MARK4: variants seen among roughly 807,000 people sequenced by gnomAD.
MARK4 encodes the protein MAP/microtubule affinity-regulating kinase 4.
In MARK4, 19 loss-of-function variants were observed where a neutral mutation model predicts 81.5. The observed-to-expected ratio is 0.23, with a 90% confidence interval of 0.16 to 0.34. The LOEUF (loss-of-function observed/expected upper bound fraction) is 0.34. Ranked by LOEUF, MARK4 falls within the 10% of genes least tolerant of loss-of-function variation. The probability of loss-of-function intolerance (pLI) is 1.00; values close to 1 mark genes in which losing one functional copy is unlikely to be tolerated. For missense variants in MARK4, 772 were observed against 1,058.8 expected (o/e 0.73, Z 3.76); for synonymous variants, 436 against 439.0 (o/e 0.99, Z 0.08).
At chr19:45,296,344 G>A (rs944456745) in intron 14 of MARK4, among the ~76,000 whole-genome samples, 10 of 152,242 alleles carry the variant, frequency 6.6e-5, no homozygotes, top group Non-Finnish European at 1.0e-4. Flanking sequence ...CGTTTAGTCC[G>A]GAGGGTCCTC....
chr19:45,263,130 C>T lies in MARK4; in HGVS notation c.270C>T (p.Ile90=), dbSNP rs767329288. The change falls in exon 3 of 17, where the codon ATC becomes ATT. Residue 90 remains isoleucine (I), a synonymous_variant. Transcript: ENST00000262891. Reference sequence around the variant, plus strand: ...CCCTCTAGGTTGCCATCAAGATTATCGACAAAACCCAGCTGAATCCCAGCA... The same window carrying T: ...CCCTCTAGGTTGCCATCAAGATTATTGACAAAACCCAGCTGAATCCCAGCA... ...LTGREVAIKI[I]DKTQLNPSSL... is the part of the protein sequence containing the mutation. The T allele has an allele frequency of 1.7e-5, 27 of 1,607,114 alleles. No homozygotes were observed. The highest frequency in any genetic ancestry group is 2.2e-5 in the South Asian group (2 of 89,940).
rs781684641 is a variant in MARK4 at position 45,259,093 on chromosome 19, G to A, written c.156G>A (p.Glu52=). The change falls in exon 2 of 17, where the codon GAG becomes GAA. Residue 52 remains glutamate (E), a synonymous_variant. Coordinates refer to ENST00000262891, the MANE Select transcript of MARK4 (RefSeq NM_001199867.2). ...ACTCCATCGCCTCCTGTCCCGAGGA[G>A]CAGCCCCACGTGGGCAACTACCGCC... ...CRNSIASCPE[E]QPHVGNYRLL... is the part of the protein sequence containing the mutation. 4.3e-6 allele frequency: 7 copies of A among 1,614,018 alleles called. No individual in the cohort carries two copies. The Admixed American group carries it at 6.7e-5, about 15-fold the overall frequency.
chr19:45,300,672 G>A (rs1970957245), intron 16 of MARK4, among the ~76,000 whole-genome samples: 1 of 152,172 alleles, frequency 6.6e-6, no homozygotes, highest in South Asian at 2.1e-4. Context: ...CCAAGCCCTG[G>A]TTTTGTCTGA....
intron 1 of MARK4, among the ~76,000 whole-genome samples, chr19:45,252,125 C>T (rs1970251834): frequency 1.3e-5 from 2 of 152,008 alleles, no homozygotes; most frequent in Admixed American, 1.3e-4. Context: ...CCCAGGAGCC[C>T]CCCTCCTCTT....
intron 2 of MARK4, among the ~76,000 whole-genome samples, chr19:45,260,090 AAAAT>A (rs1486521270): frequency 6.6e-6 from 1 of 151,798 alleles, no homozygotes; most frequent in Non-Finnish European, 1.5e-5. Context: ...CTGTCTCAAA[AAAAT>A]AAAAAAATTA....
At chr19:45,274,314 C>T (rs1970571503) in intron 8 of MARK4, among the ~76,000 whole-genome samples, 1 of 151,494 alleles carries the variant, frequency 6.6e-6, no homozygotes, top group Admixed American at 6.6e-5. Context: ...TGGCTGAGAT[C>T]AGGGATGCAA....
rs117477515 is a variant in MARK4, at chr19:45,296,652, C to T, written c.1599-1024C>T. ...CTCTTAGGGGTTTGGTTACCAAGAA[C>T]GAAACAGGGAGGATGGATTCTAAGG... On this transcript the variant is annotated intron_variant, in intron 14 of 16. Coordinates refer to ENST00000262891, the MANE Select transcript of MARK4 (RefSeq NM_001199867.2). Among the ~76,000 whole-genome samples the T allele has an allele frequency of 9.1e-3, 1,393 of 152,288 alleles. 11 individuals carry two copies. Among genetic ancestry groups the T allele is most frequent in the Non-Finnish European group, 0.015 (1,011 of 68,028 alleles).
At chr19:45,253,540 C>G (rs1312923487) in intron 1 of MARK4, among the ~76,000 whole-genome samples, 1 of 152,194 alleles carries the variant, frequency 6.6e-6, no homozygotes, top group African/African-American at 2.4e-5. Flanking sequence ...GGAAGCACTC[C>G]ACAAATGCCA....
At position 45,302,601 on chromosome 19, in the gene MARK4, G is replaced by A; in HGVS notation, c.2150G>A (p.Cys717Tyr). Reference protein sequence around the residue: ...EPLSHFEVEVCQLPRPGLRGV... With the variant: ...EPLSHFEVEVYQLPRPGLRGV... ...CTGTCCCACTTCGAAGTGGAGGTCTGCCAGCTGCCCCGGCCAGGCTTGCGG... is the reference window on the plus strand; with the variant it reads ...CTGTCCCACTTCGAAGTGGAGGTCTACCAGCTGCCCCGGCCAGGCTTGCGG... The change falls in exon 17 of 17, where the codon TGC (cysteine) becomes TAC (tyrosine). Residue 717 changes from cysteine (C) to tyrosine (Y), a missense_variant. Transcript: ENST00000262891. The surrounding 1 kb of genome is among the most constrained non-coding windows in gnomAD (Gnocchi z 4.9). 6.4e-7 allele frequency: 1 copy of A among 1,566,148 alleles called. No individual in the cohort carries two copies. Among genetic ancestry groups the A allele is most frequent in the Non-Finnish European group, 8.6e-7 (1 of 1,162,940 alleles).
rs746057661 is a variant in MARK4, at chr19:45,297,649, C to T, written c.1599-27C>T. 6.7e-6 allele frequency: 10 copies of T among 1,485,916 alleles called. No individual in the cohort carries two copies. The East Asian group carries it at 2.3e-4, about 34-fold the overall frequency. 92.0% of individuals were successfully genotyped at this position (1,485,916 alleles called of 1,614,324 possible). A position where few individuals can be genotyped will look rare whatever the true frequency, so the allele number is the denominator to read the frequency against. On this transcript the variant is annotated intron_variant, in intron 14 of 16. Coordinates refer to ENST00000262891, the MANE Select transcript of MARK4 (RefSeq NM_001199867.2). ...GGCCCTGGCCTGCCTCAGTCCCCCA[C>T]CCTGACTTGTCTGTCTCTGCCCACA...
intron 12 of MARK4, 36 bp from the exon 13 acceptor site, chr19:45,287,411 G>C (rs1438506051): frequency 7.4e-7 from 1 of 1,352,598 alleles, no homozygotes; most frequent in South Asian, 1.8e-5. Flanking sequence ...GGGTTTCCGT[G>C]GTGATGCCAG....
Position 45,303,868 on chromosome 19 carries a change from G to A in MARK4, c.*1158G>A, listed in dbSNP as rs527957737. On this transcript the variant is annotated 3_prime_UTR_variant, in exon 17 of 17. Transcript: ENST00000262891. Reference sequence around the variant, plus strand: ...TTAATGCTGGAATGGGGTGTTGAAGGATGAGTAGGAGTTAGTTAGGCATTG... The same window carrying A: ...TTAATGCTGGAATGGGGTGTTGAAGAATGAGTAGGAGTTAGTTAGGCATTG... The A allele has an allele frequency of 1.2e-4, 18 of 152,356 alleles. No individual in the cohort carries two copies. The South Asian group carries it at 3.7e-3, about 32-fold the overall frequency. 9.4% of individuals were successfully genotyped at this position (152,356 alleles called of 1,614,324 possible).
At chr19:45,270,020 G>T (rs1283144016) in intron 7 of MARK4, among the ~76,000 whole-genome samples, 1 of 152,016 alleles carries the variant, frequency 6.6e-6, no homozygotes. Context: ...TAGAGACAGG[G>T]TTTTACCATG....
intron 12 of MARK4, among the ~76,000 whole-genome samples, chr19:45,285,742 G>A (rs1003609479): frequency 2.0e-5 from 3 of 151,880 alleles, no homozygotes; most frequent in African/African-American, 7.3e-5. Flanking sequence ...CCAGGTATCT[G>A]TCATTGTCAT....
At chr19:45,257,058 G>A (rs995387864) in intron 1 of MARK4, among the ~76,000 whole-genome samples, 2 of 151,732 alleles carry the variant, frequency 1.3e-5, no homozygotes, top group Non-Finnish European at 2.9e-5. Context: ...GGGCTCAAGC[G>A]ATCTTCCCAT....
At chr19:45,286,276 A>AATCT (rs2123086246) in intron 12 of MARK4, among the ~76,000 whole-genome samples, 1 of 151,860 alleles carries the variant, frequency 6.6e-6, no homozygotes, top group South Asian at 2.1e-4. Flanking sequence ...GGCTGGTCTC[A>AATCT]ATCTCCTGAC....
Position 45,259,194 on chromosome 19 carries a change from G to A in MARK4, c.252+5G>A. 6.2e-7 allele frequency: 1 copy of A among 1,613,742 alleles called. No homozygotes were observed. The highest frequency in any genetic ancestry group is 8.5e-7 in the Non-Finnish European group (1 of 1,179,924). Reference sequence around the variant, plus strand: ...CACATCCTCACTGGTCGGGAGGTGAGTATGGGCACAGGGTGGGGCTCGGGG... The same window carrying A: ...CACATCCTCACTGGTCGGGAGGTGAATATGGGCACAGGGTGGGGCTCGGGG... On this transcript the variant is annotated splice_donor_5th_base_variant and intron_variant, in intron 2 of 16. Transcript: ENST00000262891.
At chr19:45,276,085 G>A (rs1264940051) in intron 8 of MARK4, among the ~76,000 whole-genome samples, 2 of 152,188 alleles carry the variant, frequency 1.3e-5, no homozygotes, top group Non-Finnish European at 2.9e-5. Context: ...GGAGGGCAGT[G>A]GTGCAGTCAC....
In MARK4 at chr19:45,302,905, G is replaced by A. The variant is rs546811320; in HGVS notation, c.*195G>A. The A allele has an allele frequency of 2.9e-4, 156 of 531,484 alleles. No homozygotes were observed. The Admixed American group carries it at 5.8e-3, about 20-fold the overall frequency. The allele number at this position is 531,484 out of a possible 1,614,324, so 32.9% of individuals were successfully genotyped here. ...CAGAAGAAGGATGAGGGGGCTCAGC[G>A]GGGGGAGCTGGCACCTTCCTGGAGC... is the stretch of plus-strand genomic sequence containing the variant. On this transcript the variant is annotated 3_prime_UTR_variant, in exon 17 of 17. Transcript: ENST00000262891. The surrounding 1 kb of genome is among the most constrained non-coding windows in gnomAD (Gnocchi z 4.9).
Sources: allele counts gnomAD v4.1 joint callset (sites outside exome capture counted in the v4.1 genomes callset), GRCh38; gene constraint gnomAD v4.1.1; non-coding constraint Gnocchi (gnomAD v3.1); transcripts MANE v1.5; gene names NCBI Gene and HGNC (gene_info 2026-07-23, HGNC 2026-07-21).